The following ADCY3 variants were observed in gnomAD, a reference collection of about 807,000 sequenced individuals.
The protein encoded by ADCY3 is adenylate cyclase 3, also known as adenylate cyclase type 3.
In ADCY3, 70 loss-of-function variants were observed where a neutral mutation model predicts 119.4. That is an observed-to-expected ratio of 0.59 (90% CI 0.48 to 0.72). The LOEUF is 0.72. Ranked by LOEUF, ADCY3 falls within the 30% of genes least tolerant of loss-of-function variation. The pLI, the probability that ADCY3 is intolerant of heterozygous loss-of-function variation, is 0.00. For synonymous variants in ADCY3, 672 were observed against 621.4 expected (o/e 1.08, Z -1.21); for missense variants, 1,238 against 1,541.6 (o/e 0.80, Z 3.30).
chr2:24,888,116 T>C (rs1055340102), intron 2 of ADCY3, among the ~76,000 whole-genome samples: 5 of 152,138 alleles, frequency 3.3e-5, no homozygotes, highest in African/African-American at 1.2e-4. Context: ...TATCCACAGA[T>C]TCAACAAAAC....
intron 15 of ADCY3, 79 bp from the exon 16 acceptor site, chr2:24,826,205 T>A: frequency 7.9e-7 from 1 of 1,261,324 alleles, no homozygotes; most frequent in Admixed American, 1.9e-5. Flanking sequence ...AACTAGATGG[T>A]GCTGCTTCCT....
At chr2:24,828,964 C>T (rs916750929) in intron 13 of ADCY3, among the ~76,000 whole-genome samples, 8 of 152,066 alleles carry the variant, frequency 5.3e-5, no homozygotes, top group African/African-American at 1.7e-4. Flanking sequence ...CAACCCCTGG[C>T]CAAGGTAGGC....
intron 2 of ADCY3, among the ~76,000 whole-genome samples, chr2:24,911,641 A>ACACACACACAC (rs1459604524): frequency 0.014 from 826 of 58,076 alleles, 13 homozygotes; most frequent in African/African-American, 0.045. Flanking sequence ...CAGACTCAAA[A>ACACACACACAC]AAAAAAAAAA....
At chr2:24,916,281 T>C (rs1664441840) in intron 2 of ADCY3, among the ~76,000 whole-genome samples, 1 of 152,240 alleles carries the variant, frequency 6.6e-6, no homozygotes, top group Non-Finnish European at 1.5e-5. Flanking sequence ...CCTGTGGCCA[T>C]ACCTTCTCAG....
chr2:24,860,974 G>A (rs774974820), intron 3 of ADCY3, among the ~76,000 whole-genome samples: 3 of 152,214 alleles, frequency 2.0e-5, no homozygotes, highest in Non-Finnish European at 2.9e-5. Flanking sequence ...ATAAATAGCC[G>A]AGCATGGGGC....
At position 24,863,355 on chromosome 2, in the gene ADCY3, GTGCTGGA is replaced by G. The variant is rs555855806; in HGVS notation, c.825+9208_825+9214del. On this transcript the variant is annotated intron_variant, in intron 3 of 21. Coordinates refer to ENST00000679454, the MANE Select transcript of ADCY3 (RefSeq NM_004036.5). Reference sequence around the variant, plus strand: ...TCCATACAGCCTACACTTTTCTCCTGTGCTGGATGCATCCAGCTCTCCAACAGTGGAC... The same window carrying G: ...TCCATACAGCCTACACTTTTCTCCTGTGCATCCAGCTCTCCAACAGTGGAC... Among the ~76,000 whole-genome samples the G allele has an allele frequency of 1.1e-4, 16 of 152,286 alleles. 1 individual carries two copies. The East Asian group carries it at 3.1e-3, about 29-fold the overall frequency.
At chr2:24,897,274 C>T (rs1446210831) in intron 2 of ADCY3, among the ~76,000 whole-genome samples, 2 of 151,818 alleles carry the variant, frequency 1.3e-5, no homozygotes, top group Non-Finnish European at 2.9e-5. Flanking sequence ...TCCTCCTCCT[C>T]CTCCTCCCTC....
chr2:24,835,058 C>T, intron 9 of ADCY3, 122 bp from the exon 10 acceptor site: 1 of 1,288,858 alleles, frequency 7.8e-7, no homozygotes, highest in Non-Finnish European at 1.1e-6. Context: ...ACCAATCCCT[C>T]CAGCTCTAAA....
chr2:24,822,264 T>G (rs1667862751), intron 19 of ADCY3: 2 of 414,746 alleles, frequency 4.8e-6, no homozygotes, highest in East Asian at 8.6e-5. Context: ...TTAGGGGGCC[T>G]GGCCACAGAA....
At chr2:24,830,202 G>A (rs1226624036) in intron 13 of ADCY3, among the ~76,000 whole-genome samples, 1 of 151,142 alleles carries the variant, frequency 6.6e-6, no homozygotes, top group Non-Finnish European at 1.5e-5. Flanking sequence ...CACCATGCCT[G>A]GCTAATTTTT....
intron 2 of ADCY3, among the ~76,000 whole-genome samples, chr2:24,916,527 C>A (rs2149086798): frequency 6.6e-6 from 1 of 152,320 alleles, no homozygotes; most frequent in South Asian, 2.1e-4. Context: ...ACTAAAAATA[C>A]AAAAATTAGC....
chr2:24,833,284 T>A (rs1175735234), intron 11 of ADCY3, among the ~76,000 whole-genome samples: 1 of 152,160 alleles, frequency 6.6e-6, no homozygotes, highest in Non-Finnish European at 1.5e-5. Flanking sequence ...GGACTCCTGC[T>A]ACTCTTCCTG....
At chr2:24,917,316 T>C (rs1400731955) in intron 2 of ADCY3, among the ~76,000 whole-genome samples, 1 of 152,186 alleles carries the variant, frequency 6.6e-6, no homozygotes, top group Non-Finnish European at 1.5e-5. Flanking sequence ...AGAGCTGGCG[T>C]GGGAGTTAAG....
chr2:24,829,086 G>A (rs1409320808), intron 13 of ADCY3, among the ~76,000 whole-genome samples: 2 of 150,190 alleles, frequency 1.3e-5, no homozygotes, highest in East Asian at 3.9e-4. Flanking sequence ...GTGCATTCTT[G>A]GCTCACTGCA....
chr2:24,903,464 C>T (rs1405542160), intron 2 of ADCY3, among the ~76,000 whole-genome samples: 1 of 152,082 alleles, frequency 6.6e-6, no homozygotes, highest in Non-Finnish European at 1.5e-5. Flanking sequence ...GCCGGGTCTG[C>T]GCTTCCCGGG....
chr2:24,827,054 T>C (rs969200932), intron 15 of ADCY3, among the ~76,000 whole-genome samples: 1 of 152,246 alleles, frequency 6.6e-6, no homozygotes, highest in African/African-American at 2.4e-5. Context: ...ATGCAGGTTT[T>C]ACCCCTCTTC....
At chr2:24,831,808 G>A in intron 11 of ADCY3, 59 bp from the exon 12 acceptor site, 1 of 1,303,672 alleles carries the variant, frequency 7.7e-7, no homozygotes, top group East Asian at 2.4e-5. Context: ...TGGGGTGAGG[G>A]GCTAGGAGAG....
rs1218869526 is a variant in ADCY3, at chr2:24,898,622, C to G, written c.675+19691G>C. 1.3e-5 allele frequency among the ~76,000 whole-genome samples: 2 copies of G among 152,308 alleles called. No homozygotes were observed. The highest frequency in any genetic ancestry group is 3.9e-4 in the East Asian group (2 of 5,186). On this transcript the variant is annotated intron_variant, in intron 2 of 21. Coordinates refer to ENST00000679454, the MANE Select transcript of ADCY3 (RefSeq NM_004036.5). The surrounding 1 kb of genome is among the most constrained non-coding windows in gnomAD (Gnocchi z 4.3). ...GGAGCCCTGCAGCACTGGAAAGGAGCCCTCCCATTTCCGCCTCTGACTTCC... is the reference window on the plus strand; with the variant it reads ...GGAGCCCTGCAGCACTGGAAAGGAGGCCTCCCATTTCCGCCTCTGACTTCC...
intron 3 of ADCY3, among the ~76,000 whole-genome samples, chr2:24,848,026 C>A (rs976915200): frequency 1.3e-5 from 2 of 152,212 alleles, no homozygotes; most frequent in Non-Finnish European, 2.9e-5. Context: ...TGGCTCAGCC[C>A]CCAGCCCTGC....
Sources: allele counts gnomAD v4.1 joint callset (sites outside exome capture counted in the v4.1 genomes callset), GRCh38; gene constraint gnomAD v4.1.1; non-coding constraint Gnocchi (gnomAD v3.1); transcripts MANE v1.5; gene names NCBI Gene and HGNC (gene_info 2026-07-23, HGNC 2026-07-21).